Variants in BCL2 observed in about 807,000 individuals in gnomAD.
The protein encoded by BCL2 is BCL2 apoptosis regulator.
In BCL2, 1 loss-of-function variant was observed where a neutral mutation model predicts 14.2. The observed-to-expected ratio is 0.07, with a 90% confidence interval of 0.02 to 0.33. BCL2 has a LOEUF of 0.33. BCL2 is among the 10% of genes least tolerant of loss of function. The pLI, the probability that BCL2 is intolerant of heterozygous loss-of-function variation, is 0.99. For missense variants in BCL2, 247 were observed against 305.9 expected, an observed-to-expected ratio of 0.81 and a Z score of 1.44; for synonymous variants, 151 against 137.2, an observed-to-expected ratio of 1.10 and a Z score of -0.70.
intron 2 of BCL2, among the ~76,000 whole-genome samples, chr18:63,301,680 C>G (rs1388352873): frequency 6.6e-6 from 1 of 152,198 alleles, no homozygotes; most frequent in Non-Finnish European, 1.5e-5. Flanking sequence ...GTACTGGCGA[C>G]AAACAGGCAC....
chr18:63,126,813 T>G lies in BCL2; in HGVS notation c.*1812A>C, dbSNP rs1913922104. 1 of 228,446 alleles carries G rather than the reference T, an allele frequency of 4.4e-6. No individual in the cohort carries two copies. Among genetic ancestry groups the G allele is most frequent in the African/African-American group, 2.2e-5 (1 of 45,242 alleles). 14.2% of individuals were successfully genotyped at this position (228,446 alleles called of 1,614,324 possible). On this transcript the variant is annotated 3_prime_UTR_variant, in exon 3 of 3. Coordinates refer to ENST00000333681, the MANE Select transcript of BCL2 (RefSeq NM_000633.3). ...ACAAAAAAACGCTGAGATGCATGTA[T>G]TTTTTTAAAGCAGCTTTCGAAATAT...
At chr18:63,154,166 C>T (rs1914718013) in intron 2 of BCL2, among the ~76,000 whole-genome samples, 3 of 152,114 alleles carry the variant, frequency 2.0e-5, no homozygotes, top group Admixed American at 6.5e-5. Flanking sequence ...GCAGAAAAAC[C>T]GGGGTGATCC....
At chr18:63,142,392 C>G (rs1914388929) in intron 2 of BCL2, among the ~76,000 whole-genome samples, 2 of 152,364 alleles carry the variant, frequency 1.3e-5, no homozygotes, top group Middle Eastern at 3.4e-3. Context: ...ACTGCATTAG[C>G]TCCAGGGAGC....
intron 2 of BCL2, chr18:63,302,300 TC>T (rs1912984682): frequency 1.7e-5 from 14 of 829,760 alleles, no homozygotes; most frequent in Non-Finnish European, 2.0e-5. Context: ...AAACTCCTTC[TC>T]AAAAAAAAAA....
chr18:63,172,718 T>A (rs1271324307), intron 2 of BCL2, among the ~76,000 whole-genome samples: 2 of 151,960 alleles, frequency 1.3e-5, no homozygotes, highest in Non-Finnish European at 2.9e-5. Flanking sequence ...GAGGTGGAGC[T>A]GGCAGTGAGC....
rs1177200606 is a variant in BCL2 at position 63,126,468 on chromosome 18, C to T, written c.*2157G>A. The T allele has an allele frequency of 1.3e-5, 3 of 228,036 alleles. No homozygotes were observed. The East Asian group carries it at 1.9e-4, about 14-fold the overall frequency. 14.1% of individuals were successfully genotyped at this position (228,036 alleles called of 1,614,324 possible). On this transcript the variant is annotated 3_prime_UTR_variant, in exon 3 of 3. Transcript: ENST00000333681. ...AATGAATCTCATGGGTTTAACCAAA[C>T]ATGCATGTAATCCTGAATACCATGA...
At chr18:63,186,435 A>T (rs1915596008) in intron 2 of BCL2, among the ~76,000 whole-genome samples, 1 of 152,198 alleles carries the variant, frequency 6.6e-6, no homozygotes, top group South Asian at 2.1e-4. Context: ...AAACCATAGC[A>T]TTTTACTGTT....
chr18:63,247,429 C>A (rs1911183056), intron 2 of BCL2, among the ~76,000 whole-genome samples: 1 of 151,712 alleles, frequency 6.6e-6, no homozygotes, highest in Non-Finnish European at 1.5e-5. Context: ...AACTCCTGAT[C>A]TCAGGTGATC....
intron 2 of BCL2, among the ~76,000 whole-genome samples, chr18:63,274,282 T>TTA (rs1414098197): frequency 3.5e-5 from 5 of 141,008 alleles, no homozygotes; most frequent in African/African-American, 1.1e-4. Flanking sequence ...ATACTCTTTT[T>TTA]TTTTTTTTTT....
rs555821124 is a variant in BCL2, at chr18:63,209,726, C to T, written c.586-80967G>A. Reference sequence around the variant, plus strand: ...GATTAGAGAGAGTAGGTGAGATCTCCGAGACAGAGGAAACAGAGCGAGGAA... The same window carrying T: ...GATTAGAGAGAGTAGGTGAGATCTCTGAGACAGAGGAAACAGAGCGAGGAA... On this transcript the variant is annotated intron_variant, in intron 2 of 2. Coordinates refer to ENST00000333681, the MANE Select transcript of BCL2 (RefSeq NM_000633.3). 1.5e-4 allele frequency among the ~76,000 whole-genome samples: 23 copies of T among 151,948 alleles called. No individual in the cohort carries two copies. In the East Asian group the frequency reaches 2.1e-3, roughly 14 times the overall value.
At chr18:63,211,967 A>G (rs1002625422) in intron 2 of BCL2, among the ~76,000 whole-genome samples, 1 of 152,192 alleles carries the variant, frequency 6.6e-6, no homozygotes, top group African/African-American at 2.4e-5. Flanking sequence ...CTGAGGGAGG[A>G]TGGTGTTCAT....
chr18:63,269,334 C>G (rs1162978323), intron 2 of BCL2, among the ~76,000 whole-genome samples: 1 of 151,908 alleles, frequency 6.6e-6, no homozygotes, highest in Non-Finnish European at 1.5e-5. Flanking sequence ...AAGAAATGGG[C>G]AATTTATTTT....
At chr18:63,164,101 G>A (rs1022871725) in intron 2 of BCL2, among the ~76,000 whole-genome samples, 6 of 145,094 alleles carry the variant, frequency 4.1e-5, no homozygotes, top group Admixed American at 2.7e-4. Context: ...TATGGTGGTG[G>A]TATGGGAGCT....
At chr18:63,244,575 G>C (rs1014177656) in intron 2 of BCL2, among the ~76,000 whole-genome samples, 9 of 152,238 alleles carry the variant, frequency 5.9e-5, no homozygotes, top group Non-Finnish European at 1.0e-4. Context: ...AAGATTTCCA[G>C]AAGTTTCGTT....
rs1256527767 is a variant in BCL2, at chr18:63,269,824, G to A, written c.585+48258C>T. Among the ~76,000 whole-genome samples, 8 of 152,142 alleles carry A rather than the reference G, an allele frequency of 5.3e-5. No homozygotes were observed. The East Asian group carries it at 1.5e-3, about 29-fold the overall frequency. ...GGTAATCACATGAAGGAGAATGTTAGGTATCTTCCAACATTTGCAGCATAT... is the reference window on the plus strand; with the variant it reads ...GGTAATCACATGAAGGAGAATGTTAAGTATCTTCCAACATTTGCAGCATAT... On this transcript the variant is annotated intron_variant, in intron 2 of 2. Transcript: ENST00000333681.
intron 2 of BCL2, among the ~76,000 whole-genome samples, chr18:63,196,825 A>G (rs1039895906): frequency 5.9e-5 from 9 of 152,228 alleles, no homozygotes; most frequent in African/African-American, 2.2e-4. Context: ...AGTTTCCTGC[A>G]CATGGAAACA....
rs1913600044 is a variant in BCL2 at position 63,318,848 on chromosome 18, ATG to A, written c.-184_-183del. 7.1e-7 allele frequency: 1 copy of A among 1,400,486 alleles called. No individual in the cohort carries two copies. The highest frequency in any genetic ancestry group is 9.3e-7 in the Non-Finnish European group (1 of 1,075,984). 86.8% of individuals were successfully genotyped at this position (1,400,486 alleles called of 1,614,324 possible). On this transcript the variant is annotated 5_prime_UTR_variant, in exon 2 of 3. An upstream start codon of the reference 5' UTR is lost. Coordinates refer to ENST00000333681, the MANE Select transcript of BCL2 (RefSeq NM_000633.3). The surrounding 1 kb of genome is among the most constrained non-coding windows in gnomAD (Gnocchi z 7.4). ...TTGATTCTGGTGTTTCCCCCTTGGCATGAGATGCAGGAAATTTTTATTCCAAT... is the reference window on the plus strand; with the variant it reads ...TTGATTCTGGTGTTTCCCCCTTGGCAAGATGCAGGAAATTTTTATTCCAAT...
intron 2 of BCL2, among the ~76,000 whole-genome samples, chr18:63,201,191 C>T (rs1909680246): frequency 6.6e-6 from 1 of 152,210 alleles, no homozygotes; most frequent in Admixed American, 6.5e-5. Context: ...TTGTCCCTAC[C>T]AAGCTATCTG....
intron 2 of BCL2, among the ~76,000 whole-genome samples, chr18:63,290,561 C>T (rs1429406416): frequency 6.6e-6 from 1 of 152,306 alleles, no homozygotes; most frequent in East Asian, 1.9e-4. Flanking sequence ...CACCTTAACA[C>T]TCCATTCATA....
Sources: allele counts gnomAD v4.1 joint callset (sites outside exome capture counted in the v4.1 genomes callset), GRCh38; gene constraint gnomAD v4.1.1; non-coding constraint Gnocchi (gnomAD v3.1); transcripts MANE v1.5; gene names NCBI Gene and HGNC (gene_info 2026-07-23, HGNC 2026-07-21).